ANKRD12: variants seen among roughly 807,000 people sequenced by gnomAD.
ANKRD12 encodes ankyrin repeat domain-containing protein 12.
A neutral mutation model predicts 183.4 loss-of-function variants in ANKRD12; 85 were observed. The observed-to-expected ratio is 0.46, with a 90% CI of 0.39 to 0.56. ANKRD12 has a LOEUF of 0.56. ANKRD12 is among the 20% of genes least tolerant of loss of function. ANKRD12 has a pLI of 0.00. For missense variants in ANKRD12, 2,405 were observed against 2,357.1 expected (o/e 1.02, Z -0.42); for synonymous variants, 914 against 800.2 (o/e 1.14, Z -2.40).
At chr18:9,142,661 C>T (rs1191568774) in intron 1 of ANKRD12, among the ~76,000 whole-genome samples, 1 of 152,082 alleles carries the variant, frequency 6.6e-6, no homozygotes, top group South Asian at 2.1e-4. Context: ...GCTGGCAGAT[C>T]ACCTGAGGTC....
At position 9,256,265 on chromosome 18, in the gene ANKRD12, C is replaced by T. The variant is rs1283118542; in HGVS notation, c.2998C>T (p.Leu1000Phe). The T allele has an allele frequency of 6.2e-7, 1 of 1,603,944 alleles. No individual in the cohort carries two copies. Among genetic ancestry groups the T allele is most frequent in the South Asian group, 1.1e-5 (1 of 88,498 alleles). Reference sequence around the variant, plus strand: ...AGCACAACATGAAAAACCCTTATCCCTTAAAGAAAAAACAAAAGATGAACC... The same window carrying T: ...AGCACAACATGAAAAACCCTTATCCTTTAAAGAAAAAACAAAAGATGAACC... ...NKAQHEKPLSLKEKTKDEPLK... is the reference protein window; with the variant it reads ...NKAQHEKPLSFKEKTKDEPLK... The change falls in exon 9 of 13, where the codon CTT becomes TTT. Residue 1000 changes from leucine to phenylalanine, a missense_variant. This residue lies in a region of ANKRD12 where 1,983 missense variants were observed against 1,725.9 expected (regional missense o/e 1.15). Transcript: ENST00000262126.
intron 2 of ANKRD12, among the ~76,000 whole-genome samples, chr18:9,195,107 T>A (rs1171702172): frequency 6.6e-6 from 1 of 152,162 alleles, no homozygotes; most frequent in Admixed American, 6.5e-5. Context: ...AAATACCACA[T>A]GATCTCATAA....
At chr18:9,203,615 A>G (rs149836367) in intron 3 of ANKRD12, among the ~76,000 whole-genome samples, 1 of 151,468 alleles carries the variant, frequency 6.6e-6, no homozygotes, top group African/African-American at 2.4e-5. Context: ...TATTATTATT[A>G]TTTTTTAAAT....
intron 8 of ANKRD12, among the ~76,000 whole-genome samples, chr18:9,248,897 ACAT>A (rs2038120343): frequency 6.6e-6 from 1 of 152,234 alleles, no homozygotes; most frequent in African/African-American, 2.4e-5. Flanking sequence ...TTTAGAGGAA[ACAT>A]CAATGAATTA....
At chr18:9,237,553 A>G (rs1218462935) in intron 8 of ANKRD12, among the ~76,000 whole-genome samples, 1 of 152,246 alleles carries the variant, frequency 6.6e-6, no homozygotes, top group African/African-American at 2.4e-5. Context: ...ACTATTGCAC[A>G]GCCATGGAAA....
chr18:9,171,749 G>A (rs772038978), intron 1 of ANKRD12, among the ~76,000 whole-genome samples: 1 of 152,028 alleles, frequency 6.6e-6, no homozygotes, highest in Non-Finnish European at 1.5e-5. Flanking sequence ...GGCCAGGTGC[G>A]GTGGCTCACG....
intron 1 of ANKRD12, chr18:9,137,536 C>G: frequency 6.7e-6 from 1 of 148,984 alleles, no homozygotes; most frequent in East Asian, 1.9e-4. Context: ...AGCCGCCGAG[C>G]GTGCGCCGAC....
At chr18:9,189,674 C>T (rs1188661044) in intron 2 of ANKRD12, among the ~76,000 whole-genome samples, 2 of 152,342 alleles carry the variant, frequency 1.3e-5, no homozygotes, top group East Asian at 3.9e-4. Flanking sequence ...GAAATTTACT[C>T]TGCCTGTACC....
At chr18:9,275,167 T>C (rs942903331) in intron 10 of ANKRD12, among the ~76,000 whole-genome samples, 21 of 151,742 alleles carry the variant, frequency 1.4e-4, no homozygotes, top group Non-Finnish European at 2.9e-5. Flanking sequence ...CCAGCCTGGG[T>C]GACAGAGTGA....
chr18:9,139,135 A>G (rs1347501365), intron 1 of ANKRD12, among the ~76,000 whole-genome samples: 1 of 152,212 alleles, frequency 6.6e-6, no homozygotes, highest in East Asian at 1.9e-4. Context: ...TTCCATGAAG[A>G]ATATTTGAGG....
intron 2 of ANKRD12, among the ~76,000 whole-genome samples, chr18:9,187,487 G>T (rs1036931158): frequency 6.6e-6 from 1 of 152,122 alleles, no homozygotes; most frequent in African/African-American, 2.4e-5. Context: ...GAATATTGCT[G>T]TTATGAGGTC....
chr18:9,254,292 G>A lies in ANKRD12; in HGVS notation c.1025G>A (p.Cys342Tyr), dbSNP rs372125139. The A allele has an allele frequency of 1.2e-6, 2 of 1,611,966 alleles. No individual in the cohort carries two copies. Among genetic ancestry groups the A allele is most frequent in the African/African-American group, 1.3e-5 (1 of 74,810 alleles). ...GAAACAGAGAAAGACTCTCTCATCTGTGAAAGTAAACAGATACTTCCCAGT... is the reference window on the plus strand; with the variant it reads ...GAAACAGAGAAAGACTCTCTCATCTATGAAAGTAAACAGATACTTCCCAGT... Reference protein sequence around the residue: ...DSETEKDSLICESKQILPSKT... With the variant: ...DSETEKDSLIYESKQILPSKT... Residue 342 changes from cysteine (C) to tyrosine (Y), a missense_variant, in exon 9 of 13, where the codon TGT becomes TAT. Coordinates refer to ENST00000262126, the MANE Select transcript of ANKRD12 (RefSeq NM_015208.5).
At chr18:9,148,911 C>T (rs1235515617) in intron 1 of ANKRD12, among the ~76,000 whole-genome samples, 12 of 150,624 alleles carry the variant, frequency 8.0e-5, no homozygotes, top group Non-Finnish European at 1.3e-4. Flanking sequence ...GCTTCAGCCT[C>T]ATTTTCTGTC....
chr18:9,192,869 C>G (rs895807730), intron 2 of ANKRD12, among the ~76,000 whole-genome samples: 1 of 151,292 alleles, frequency 6.6e-6, no homozygotes, highest in Non-Finnish European at 1.5e-5. Context: ...TTTTTTATGG[C>G]GATGAGGTCT....
intron 8 of ANKRD12, among the ~76,000 whole-genome samples, chr18:9,253,902 A>G (rs2145160159): frequency 6.6e-6 from 1 of 152,302 alleles, no homozygotes; most frequent in African/African-American, 2.4e-5. Context: ...TATCAAAGAG[A>G]TACACGCTTC....
chr18:9,173,206 AT>A, intron 1 of ANKRD12, among the ~76,000 whole-genome samples: 1 of 151,440 alleles, frequency 6.6e-6, no homozygotes, highest in Admixed American at 6.6e-5. Context: ...AGTAGCTGGG[AT>A]TACAGGCGCC....
At chr18:9,235,768 G>A in intron 8 of ANKRD12, 2 of 435,508 alleles carry the variant, frequency 4.6e-6, no homozygotes, top group Non-Finnish European at 9.4e-6. Flanking sequence ...GATATTTTGT[G>A]TGGAAAAGAA....
In ANKRD12 at chr18:9,256,152, A is replaced by G; in HGVS notation, c.2885A>G (p.Glu962Gly). ...AAAGACAGGGAGCTAGATAAAAAGG[A>G]AAAATCTAGAGATAAAGAAAGTATA... The part of the protein sequence containing the change: ...KEKDRELDKK[E>G]KSRDKESINI... Residue 962 changes from glutamate to glycine, a missense_variant, in exon 9 of 13, where the codon GAA becomes GGA. Coordinates refer to ENST00000262126, the MANE Select transcript of ANKRD12 (RefSeq NM_015208.5). The G allele has an allele frequency of 6.4e-7, 1 of 1,558,610 alleles. No individual in the cohort carries two copies. The highest frequency in any genetic ancestry group is 8.6e-7 in the Non-Finnish European group (1 of 1,162,904).
chr18:9,141,810 GT>G (rs1438014708), intron 1 of ANKRD12, among the ~76,000 whole-genome samples: 1 of 152,150 alleles, frequency 6.6e-6, no homozygotes. Context: ...TTAGCAATAA[GT>G]ACATTTTTAA....
Sources: allele counts gnomAD v4.1 joint callset (sites outside exome capture counted in the v4.1 genomes callset), GRCh38; gene constraint gnomAD v4.1.1; regional missense constraint gnomAD v4.1.1; transcripts MANE v1.5; gene names NCBI Gene and HGNC (gene_info 2026-07-23, HGNC 2026-07-21).